Variants in PDCD10 observed in about 807,000 individuals in gnomAD.
The protein encoded by PDCD10 is programmed cell death 10.
Under a neutral mutation model 29.2 loss-of-function variants are expected in PDCD10, and 4 were observed. The ratio of observed to expected loss-of-function variants is 0.14; its 90% CI spans 0.07 to 0.31. The LOEUF (loss-of-function observed/expected upper bound fraction) is 0.31. PDCD10 is among the 10% of genes least tolerant of loss of function. The probability of loss-of-function intolerance (pLI) is 1.00; values close to 1 mark genes in which losing one functional copy is unlikely to be tolerated. For synonymous variants in PDCD10, 70 were observed against 82.2 expected (o/e 0.85, Z 0.80); for missense variants, 183 against 257.9 (o/e 0.71, Z 1.99).
At position 167,695,739 on chromosome 3, in the gene PDCD10, A is replaced by G. The variant is rs1720735159; in HGVS notation, c.269-17T>C. ...TCATATACTCTGATAAAATAAATAC[A>G]TAATAAAAAACATCCTGCGACTCTC... On this transcript the variant is annotated splice_polypyrimidine_tract_variant and intron_variant, in intron 5 of 8. Coordinates refer to ENST00000392750, the MANE Select transcript of PDCD10 (RefSeq NM_007217.4). The G allele has an allele frequency of 1.9e-6, 3 of 1,612,078 alleles. No homozygotes were observed. Among genetic ancestry groups the G allele is most frequent in the Non-Finnish European group, 2.5e-6 (3 of 1,178,202 alleles).
intron 2 of PDCD10, among the ~76,000 whole-genome samples, chr3:167,723,819 T>A (rs114338764): frequency 6.6e-6 from 1 of 152,216 alleles, no homozygotes; most frequent in Non-Finnish European, 1.5e-5. Flanking sequence ...AAAACACCCA[T>A]TGTGATATTG....
At chr3:167,704,587 T>C (rs1370012334) in intron 4 of PDCD10, 1 of 309,786 alleles carries the variant, frequency 3.2e-6, no homozygotes, top group South Asian at 6.1e-5. Context: ...AAATATAATC[T>C]ACAGCTAAGG....
chr3:167,689,703 G>A (rs577248687), intron 6 of PDCD10, among the ~76,000 whole-genome samples: 2 of 152,274 alleles, frequency 1.3e-5, no homozygotes, highest in Non-Finnish European at 2.9e-5. Flanking sequence ...TCAGGTGACT[G>A]CTGATGAGTC....
rs1369444945 is a variant in PDCD10, at chr3:167,727,912, T to C, written c.-117+6302A>G. ...GAAACTATTAGCCCCAGACAATAAA[T>C]AGCCTCTGCCTTATTTAACATTAGG... On this transcript the variant is annotated intron_variant, in intron 2 of 8. Coordinates refer to ENST00000392750, the MANE Select transcript of PDCD10 (RefSeq NM_007217.4). Among the ~76,000 whole-genome samples the C allele has an allele frequency of 2.0e-5, 3 of 152,336 alleles. No homozygotes were observed. The East Asian group carries it at 5.8e-4, about 29-fold the overall frequency.
At position 167,719,367 on chromosome 3, in the gene PDCD10, C is replaced by A. The variant is rs147451370; in HGVS notation, c.96+695G>T. 7.0e-4 allele frequency among the ~76,000 whole-genome samples: 107 copies of A among 152,112 alleles called. 2 individuals carry two copies. In the East Asian group the frequency reaches 0.015, roughly 21 times the overall value. On this transcript the variant is annotated intron_variant, in intron 3 of 8. Coordinates refer to ENST00000392750, the MANE Select transcript of PDCD10 (RefSeq NM_007217.4). The stretch of plus-strand genomic sequence containing the variant: ...AGGAAAATAATTTCACATATCAGGG[C>A]CTTAGTTCCCCATTATAGAAAAGGA...
intron 4 of PDCD10, among the ~76,000 whole-genome samples, chr3:167,702,561 A>C (rs1180992693): frequency 1.3e-5 from 2 of 152,132 alleles, no homozygotes; most frequent in African/African-American, 4.8e-5. Context: ...GGGGGTCAGC[A>C]CCTCTAACCT....
In PDCD10 at chr3:167,725,256, C is replaced by CAAA. The variant is rs1178264599; in HGVS notation, c.-116-4986_-116-4984dup. 4.8e-5 allele frequency: 4 copies of CAAA among 84,174 alleles called. 1 individual carries two copies. Among genetic ancestry groups the CAAA allele is most frequent in the African/African-American group, 1.2e-4 (3 of 26,014 alleles). 5.2% of individuals were successfully genotyped at this position (84,174 alleles called of 1,614,324 possible). ...TGGGCAACAGAGCGAGACTCTGTCTCAAAAAAGAAAAAAAAAAAAAAAAAA... is the reference window on the plus strand; with the variant it reads ...TGGGCAACAGAGCGAGACTCTGTCTCAAAAAAAAAGAAAAAAAAAAAAAAAAAA... On this transcript the variant is annotated intron_variant, in intron 2 of 8. Coordinates refer to ENST00000392750, the MANE Select transcript of PDCD10 (RefSeq NM_007217.4).
At chr3:167,726,904 C>G (rs1200708246) in intron 2 of PDCD10, among the ~76,000 whole-genome samples, 1 of 152,170 alleles carries the variant, frequency 6.6e-6, no homozygotes, top group Non-Finnish European at 1.5e-5. Flanking sequence ...ACTGATATCA[C>G]AATGTCATAA....
At chr3:167,728,596 T>C (rs1204898120) in intron 2 of PDCD10, among the ~76,000 whole-genome samples, 5 of 152,232 alleles carry the variant, frequency 3.3e-5, no homozygotes. Context: ...AATGAACTGA[T>C]GCACATGGAA....
chr3:167,684,832 A>C (rs1268215062), intron 8 of PDCD10, among the ~76,000 whole-genome samples: 3 of 152,196 alleles, frequency 2.0e-5, no homozygotes, highest in Non-Finnish European at 2.9e-5. Context: ...CAATCTCTTT[A>C]TCTCCTTAAA....
At chr3:167,709,846 G>T (rs1722355781) in intron 3 of PDCD10, among the ~76,000 whole-genome samples, 1 of 152,126 alleles carries the variant, frequency 6.6e-6, no homozygotes, top group Non-Finnish European at 1.5e-5. Flanking sequence ...GGATAGGAAG[G>T]CAACAAGTAA....
intron 4 of PDCD10, chr3:167,697,732 C>A (rs1720958178): frequency 4.2e-6 from 1 of 238,346 alleles, no homozygotes; most frequent in South Asian, 4.9e-5. Context: ...ATCATGAAAC[C>A]TTTTACTACC....
chr3:167,733,573 A>C (rs1020062983), intron 2 of PDCD10, among the ~76,000 whole-genome samples: 1 of 152,228 alleles, frequency 6.6e-6, no homozygotes, highest in African/African-American at 2.4e-5. Flanking sequence ...GGGGAAAAGT[A>C]AAGTCTCAAA....
chr3:167,707,358 G>A (rs946009607), intron 3 of PDCD10, among the ~76,000 whole-genome samples: 3 of 151,996 alleles, frequency 2.0e-5, no homozygotes, highest in Admixed American at 1.3e-4. Flanking sequence ...TAGGGATAAC[G>A]TCTTTGGCTA....
chr3:167,701,775 G>A (rs1237041721), intron 4 of PDCD10, among the ~76,000 whole-genome samples: 1 of 152,154 alleles, frequency 6.6e-6, no homozygotes, highest in Non-Finnish European at 1.5e-5. Flanking sequence ...TGTTGTTATA[G>A]AAAAACCCAT....
intron 6 of PDCD10, among the ~76,000 whole-genome samples, chr3:167,694,806 AC>A (rs1720628356): frequency 6.6e-6 from 1 of 152,204 alleles, no homozygotes; most frequent in Admixed American, 6.5e-5. Context: ...CTTCAAAGTT[AC>A]CACATATGTC....
intron 3 of PDCD10, among the ~76,000 whole-genome samples, chr3:167,718,670 C>T (rs374415427): frequency 2.6e-5 from 4 of 151,424 alleles, no homozygotes; most frequent in African/African-American, 7.3e-5. Context: ...CAGCTAGATG[C>T]GGGACCCCAC....
chr3:167,693,598 G>A (rs1320868268), intron 6 of PDCD10, among the ~76,000 whole-genome samples: 4 of 152,162 alleles, frequency 2.6e-5, no homozygotes, highest in African/African-American at 9.7e-5. Flanking sequence ...CCAGGCTCAA[G>A]GAGTGGTTTG....
chr3:167,685,193 T>C (rs1420964404), intron 8 of PDCD10, among the ~76,000 whole-genome samples: 16 of 151,926 alleles, frequency 1.1e-4, no homozygotes, highest in Non-Finnish European at 4.4e-5. Context: ...GGGCGGATCA[T>C]GAGGTCTCTT....
Sources: gnomAD v4.1 joint callset for allele counts (sites outside exome capture counted in the v4.1 genomes callset) on GRCh38, gnomAD v4.1.1 for gene constraint, MANE v1.5 for transcripts, NCBI Gene and HGNC (gene_info 2026-07-23, HGNC 2026-07-21) for gene names.